CNTN5: variants seen among roughly 807,000 people sequenced by gnomAD.
The protein encoded by CNTN5 is contactin-5.
In CNTN5, 77 loss-of-function variants were observed where a neutral mutation model predicts 129.1. The ratio of observed to expected loss-of-function variants is 0.60; its 90% CI spans 0.50 to 0.72. CNTN5 has a LOEUF of 0.72. CNTN5 is among the 30% of genes least tolerant of loss of function. The probability of loss-of-function intolerance (pLI) is 0.00; values close to 1 mark genes in which losing one functional copy is unlikely to be tolerated. For missense variants in CNTN5, 1,478 were observed against 1,328.8 expected, an observed-to-expected ratio of 1.11 and a Z score of -1.75; for synonymous variants, 509 against 465.6, an observed-to-expected ratio of 1.09 and a Z score of -1.20.
At chr11:99,693,649 C>G (rs1461457261) in intron 3 of CNTN5, among the ~76,000 whole-genome samples, 1 of 151,914 alleles carries the variant, frequency 6.6e-6, no homozygotes. Context: ...ACATAATACC[C>G]AAATTGAGTA....
At chr11:100,227,723 A>G (rs926131403) in intron 16 of CNTN5, among the ~76,000 whole-genome samples, 1 of 152,318 alleles carries the variant, frequency 6.6e-6, no homozygotes, top group South Asian at 2.1e-4. Context: ...AATTAAAGCC[A>G]CACCTGGACA....
intron 15 of CNTN5, among the ~76,000 whole-genome samples, chr11:100,204,102 T>G (rs143281289): frequency 2.0e-5 from 3 of 150,896 alleles, no homozygotes; most frequent in Non-Finnish European, 3.0e-5. Flanking sequence ...TTTGCTCAGT[T>G]TTTTTTCCTC....
At chr11:100,055,724 A>G (rs1350436294) in intron 9 of CNTN5, among the ~76,000 whole-genome samples, 1 of 151,550 alleles carries the variant, frequency 6.6e-6, no homozygotes, top group East Asian at 1.9e-4. Context: ...AATATATGTC[A>G]TAGGTGTTCT....
In CNTN5 at chr11:99,194,156, T is replaced by G. The variant is rs1475701806; in HGVS notation, c.-209-131190T>G. 2.0e-5 allele frequency among the ~76,000 whole-genome samples: 3 copies of G among 152,152 alleles called. No individual in the cohort carries two copies. The East Asian group carries it at 5.8e-4, about 29-fold the overall frequency. On this transcript the variant is annotated intron_variant, in intron 1 of 24. Transcript: ENST00000524871. Reference sequence around the variant, plus strand: ...GAGAATTCATAAATGAAAAATAGATTTGAGGAAATCCTCCAAAGCATAGAT... The same window carrying G: ...GAGAATTCATAAATGAAAAATAGATGTGAGGAAATCCTCCAAAGCATAGAT...
At chr11:99,200,741 T>G (rs909358868) in intron 1 of CNTN5, among the ~76,000 whole-genome samples, 12 of 152,154 alleles carry the variant, frequency 7.9e-5, no homozygotes, top group South Asian at 2.1e-4. Flanking sequence ...GTTTCATCCT[T>G]TGGACAAACA....
chr11:99,771,278 T>C (rs1042464917), intron 3 of CNTN5, among the ~76,000 whole-genome samples: 1 of 152,068 alleles, frequency 6.6e-6, no homozygotes, highest in Non-Finnish European at 1.5e-5. Flanking sequence ...ACTACTGTGT[T>C]CATTGCAGCA....
intron 4 of CNTN5, among the ~76,000 whole-genome samples, chr11:99,835,298 A>T (rs544434529): frequency 2.0e-5 from 3 of 152,290 alleles, no homozygotes; most frequent in African/African-American, 7.2e-5. Context: ...GAGTGAAAAA[A>T]GGAATGAATG....
chr11:99,887,530 G>A (rs1401486016), intron 6 of CNTN5, among the ~76,000 whole-genome samples: 1 of 152,164 alleles, frequency 6.6e-6, no homozygotes, highest in Non-Finnish European at 1.5e-5. Context: ...GTTTATTAAG[G>A]AGTATTGACT....
intron 8 of CNTN5, among the ~76,000 whole-genome samples, chr11:99,999,178 CT>C (rs1389971679): frequency 1.3e-5 from 2 of 152,010 alleles, no homozygotes; most frequent in African/African-American, 4.8e-5. Context: ...AACTAAAGAG[CT>C]TCTGCACAGC....
At chr11:99,464,629 G>T (rs1944862819) in intron 2 of CNTN5, among the ~76,000 whole-genome samples, 1 of 152,034 alleles carries the variant, frequency 6.6e-6, no homozygotes, top group Non-Finnish European at 1.5e-5. Context: ...GAGTATTTTG[G>T]AATCTTGACC....
intron 3 of CNTN5, among the ~76,000 whole-genome samples, chr11:99,813,486 G>A (rs188741398): frequency 2.0e-4 from 30 of 152,198 alleles, no homozygotes; most frequent in African/African-American, 6.0e-4. Flanking sequence ...AGAGTAGAGA[G>A]GTTTTTGTTT....
At chr11:99,425,281 TG>T (rs1200236704) in intron 2 of CNTN5, among the ~76,000 whole-genome samples, 3 of 152,212 alleles carry the variant, frequency 2.0e-5, no homozygotes, top group African/African-American at 7.2e-5. Flanking sequence ...CACCCAGAAC[TG>T]GCAGCCCGGC....
chr11:99,445,288 G>A (rs1553514), intron 2 of CNTN5, among the ~76,000 whole-genome samples: 96,575 of 151,226 alleles, frequency 0.64, 31,446 homozygotes, highest in Non-Finnish European at 0.72. Context: ...AGCTAATGAG[G>A]TAGAGTGTTA....
chr11:99,567,687 C>T (rs1427080803), intron 3 of CNTN5, among the ~76,000 whole-genome samples: 1 of 152,106 alleles, frequency 6.6e-6, no homozygotes, highest in East Asian at 1.9e-4. Context: ...TATGGCTCCT[C>T]CATGATCAAA....
chr11:99,984,191 C>T (rs1417624223), intron 8 of CNTN5, among the ~76,000 whole-genome samples: 3 of 151,950 alleles, frequency 2.0e-5, no homozygotes, highest in African/African-American at 7.3e-5. Flanking sequence ...TCGAGAGAAT[C>T]GCTTGAACCA....
intron 2 of CNTN5, among the ~76,000 whole-genome samples, chr11:99,402,256 T>A (rs1392517175): frequency 6.6e-6 from 1 of 152,118 alleles, no homozygotes; most frequent in East Asian, 1.9e-4. Context: ...TATCCCCAGT[T>A]TTTTAAGCAT....
intron 2 of CNTN5, among the ~76,000 whole-genome samples, chr11:99,516,513 G>A (rs1412800875): frequency 6.6e-6 from 1 of 151,848 alleles, no homozygotes; most frequent in Admixed American, 6.6e-5. Flanking sequence ...AAATAACAAT[G>A]GTGCATACAT....
At chr11:99,790,958 T>C (rs112469907) in intron 3 of CNTN5, among the ~76,000 whole-genome samples, 2 of 152,294 alleles carry the variant, frequency 1.3e-5, no homozygotes, top group African/African-American at 4.8e-5. Context: ...TATGTCTTCT[T>C]TTGAAAAGTG....
At chr11:99,911,228 T>C (rs1949651057) in intron 6 of CNTN5, among the ~76,000 whole-genome samples, 1 of 152,068 alleles carries the variant, frequency 6.6e-6, no homozygotes, top group African/African-American at 2.4e-5. Context: ...AAATCGTATC[T>C]GTGTTCACAG....
Sources: gnomAD v4.1 joint callset for allele counts (sites outside exome capture counted in the v4.1 genomes callset) on GRCh38, gnomAD v4.1.1 for gene constraint, MANE v1.5 for transcripts, NCBI Gene and HGNC (gene_info 2026-07-23, HGNC 2026-07-21) for gene names.